The following FMN1 variants were observed in gnomAD, a reference collection of about 807,000 sequenced individuals.
The protein encoded by FMN1 is formin 1.
FMN1 carries 110 observed loss-of-function variants against 132.4 expected under a neutral mutation model. The observed-to-expected ratio is 0.83, with a 90% confidence interval of 0.71 to 0.97. The LOEUF is 0.97. FMN1 is among the 50% of genes least tolerant of loss of function. The pLI, the probability that FMN1 is intolerant of heterozygous loss-of-function variation, is 0.00. For synonymous variants in FMN1, 722 were observed against 651.7 expected (o/e 1.11, Z -1.64); for missense variants, 1,792 against 1,705.3 (o/e 1.05, Z -0.90).
At chr15:32,921,790 C>T (rs2060831921) in intron 10 of FMN1, among the ~76,000 whole-genome samples, 1 of 151,948 alleles carries the variant, frequency 6.6e-6, no homozygotes, top group South Asian at 2.1e-4. Context: ...CCACCTCAGC[C>T]TCCCAAGTAG....
intron 4 of FMN1, among the ~76,000 whole-genome samples, chr15:33,141,890 C>A (rs562138366): frequency 1.5e-4 from 23 of 152,050 alleles, no homozygotes; most frequent in Admixed American, 1.4e-3. Context: ...TGGCAATGCT[C>A]CCAGCAGCGG....
intron 15 of FMN1, among the ~76,000 whole-genome samples, chr15:32,894,121 C>T (rs764384180): frequency 1.1e-4 from 17 of 152,140 alleles, no homozygotes; most frequent in Non-Finnish European, 1.5e-4. Flanking sequence ...CCACTTATTA[C>T]ACGTTTGTGA....
chr15:32,883,784 T>G (rs1208049094), intron 16 of FMN1, among the ~76,000 whole-genome samples: 1 of 152,150 alleles, frequency 6.6e-6, no homozygotes, highest in Non-Finnish European at 1.5e-5. Flanking sequence ...AAGCCAATGT[T>G]TCATGCTTTA....
At chr15:32,932,079 T>C (rs1012990430) in intron 9 of FMN1, among the ~76,000 whole-genome samples, 11 of 152,220 alleles carry the variant, frequency 7.2e-5, no homozygotes, top group Admixed American at 7.2e-4. Context: ...GGTGATGGTA[T>C]ATGATCCTTT....
chr15:33,018,961 T>C (rs1026429789), intron 6 of FMN1, among the ~76,000 whole-genome samples: 28 of 152,088 alleles, frequency 1.8e-4, no homozygotes, highest in Non-Finnish European at 5.9e-5. Context: ...ATAAAGACAA[T>C]GTGGGCCCAA....
chr15:32,956,757 C>A (rs1480275988), intron 9 of FMN1, among the ~76,000 whole-genome samples: 5 of 152,160 alleles, frequency 3.3e-5, no homozygotes, highest in Non-Finnish European at 4.4e-5. Context: ...ACATTCCTTA[C>A]ACCGAGGGAG....
Position 33,154,594 on chromosome 15 carries a change from G to C in FMN1, c.321C>G (p.Ile107Met), listed in dbSNP as rs1247215089. 2.6e-6 allele frequency: 4 copies of C among 1,536,110 alleles called. No individual in the cohort carries two copies. The highest frequency in any genetic ancestry group is 3.9e-5 in the Admixed American group (2 of 50,990). The change falls in exon 4 of 21, where the codon ATC (isoleucine) becomes ATG (methionine). Residue 107 changes from isoleucine to methionine, a missense_variant. Physicochemically the swap from Ile to Met is conservative, Grantham distance 10. Transcript: ENST00000616417. ...CCTGGTTCCCCATCGTGATCCCCAG[G>C]ATGTGGTCTGAGCTCAGGAGATTGG... is the stretch of plus-strand genomic sequence containing the variant. ...LLTNLLSSDHILGITMGNQEG... is the reference protein window; with the variant it reads ...LLTNLLSSDHMLGITMGNQEG...
intron 9 of FMN1, among the ~76,000 whole-genome samples, chr15:32,943,324 A>G (rs1369153095): frequency 6.6e-6 from 1 of 152,200 alleles, no homozygotes; most frequent in Non-Finnish European, 1.5e-5. Flanking sequence ...CCCAAGTACA[A>G]TTCTAAAAAA....
At chr15:33,104,614 A>C (rs1043120652) in intron 4 of FMN1, among the ~76,000 whole-genome samples, 2 of 151,864 alleles carry the variant, frequency 1.3e-5, no homozygotes, top group African/African-American at 4.9e-5. Flanking sequence ...AAAGGAAATG[A>C]AAATAAAATT....
At chr15:32,852,843 G>C (rs1252042317) in intron 17 of FMN1, among the ~76,000 whole-genome samples, 1 of 152,130 alleles carries the variant, frequency 6.6e-6, no homozygotes, top group Non-Finnish European at 1.5e-5. Context: ...CGGCCTGTCA[G>C]ACAAAGTTCA....
intron 6 of FMN1, among the ~76,000 whole-genome samples, chr15:33,018,253 TTACACTTTC>T (rs1346947029): frequency 6.6e-6 from 1 of 152,014 alleles, no homozygotes; most frequent in Non-Finnish European, 1.5e-5. Context: ...TCTAAAATCC[TTACACTTTC>T]CAAAGTGATG....
intron 19 of FMN1, among the ~76,000 whole-genome samples, chr15:32,790,912 G>A (rs994147488): frequency 3.3e-5 from 5 of 152,188 alleles, no homozygotes; most frequent in Admixed American, 6.5e-5. Context: ...CTAAAGGATC[G>A]TAAGAAGAAA....
intron 19 of FMN1, among the ~76,000 whole-genome samples, chr15:32,791,620 G>C (rs1460205556): frequency 6.6e-6 from 1 of 152,204 alleles, no homozygotes; most frequent in Non-Finnish European, 1.5e-5. Context: ...ATCCAAGTGA[G>C]AGATGATAGA....
At chr15:32,992,124 T>C (rs1393241590) in intron 7 of FMN1, among the ~76,000 whole-genome samples, 2 of 152,134 alleles carry the variant, frequency 1.3e-5, no homozygotes. Flanking sequence ...GCAATCTTGT[T>C]TTCTCCCCTC....
At chr15:32,898,702 G>A (rs902089151) in intron 15 of FMN1, 132 bp downstream of exon 15, 48 of 606,476 alleles carry the variant, frequency 7.9e-5, no homozygotes, top group Non-Finnish European at 1.3e-4. Flanking sequence ...GTGCTCATCT[G>A]TAAACCACGC....
intron 6 of FMN1, among the ~76,000 whole-genome samples, chr15:33,028,129 T>C (rs2141049536): frequency 6.6e-6 from 1 of 152,332 alleles, no homozygotes; most frequent in East Asian, 1.9e-4. Context: ...AATTTACTTA[T>C]GTCTGGATTC....
intron 14 of FMN1, chr15:32,899,675 A>ACTATCTGTTTTGTTCT: frequency 2.6e-6 from 1 of 387,918 alleles, no homozygotes; most frequent in South Asian, 3.3e-5. Flanking sequence ...GGATCCTGGT[A>ACTATCTGTTTTGTTCT]CTGTATGCTA....
intron 6 of FMN1, among the ~76,000 whole-genome samples, chr15:33,055,849 C>A: frequency 6.6e-6 from 1 of 152,098 alleles, no homozygotes; most frequent in East Asian, 1.9e-4. Flanking sequence ...ACACACTTAA[C>A]CAAAGAGCTC....
chr15:32,989,921 T>C (rs2033331891), intron 7 of FMN1, among the ~76,000 whole-genome samples: 2 of 152,060 alleles, frequency 1.3e-5, no homozygotes, highest in African/African-American at 2.4e-5. Context: ...ATATACAGGG[T>C]AGCTAAGAAA....
Sources: gnomAD v4.1 joint callset for allele counts (sites outside exome capture counted in the v4.1 genomes callset) on GRCh38, gnomAD v4.1.1 for gene constraint, MANE v1.5 for transcripts, NCBI Gene and HGNC (gene_info 2026-07-23, HGNC 2026-07-21) for gene names.